The following ADGRB3 variants were observed in gnomAD, a reference collection of about 807,000 sequenced individuals.
ADGRB3 encodes the protein adhesion G protein-coupled receptor B3.
Under a neutral mutation model 193.4 loss-of-function variants are expected in ADGRB3, and 37 were observed. The observed-to-expected ratio is 0.19, with a 90% CI of 0.15 to 0.25. ADGRB3 has a LOEUF of 0.25. Among genes scored for constraint, ADGRB3 ranks in the 10% least tolerant of loss-of-function variants. ADGRB3 has a pLI of 1.00. For missense variants in ADGRB3, 1,637 were observed against 1,852.9 expected, an observed-to-expected ratio of 0.88 and a Z score of 2.14; for synonymous variants, 690 against 644.2, an observed-to-expected ratio of 1.07 and a Z score of -1.08.
intron 6 of ADGRB3, among the ~76,000 whole-genome samples, chr6:68,948,096 T>C (rs1484710073): frequency 6.6e-6 from 1 of 152,154 alleles, no homozygotes; most frequent in Non-Finnish European, 1.5e-5. Flanking sequence ...TAAACCTTAA[T>C]AAATCATCTA....
chr6:69,222,338 C>T (rs899736755), intron 17 of ADGRB3, among the ~76,000 whole-genome samples: 22 of 152,006 alleles, frequency 1.4e-4, no homozygotes, highest in Non-Finnish European at 2.2e-4. Context: ...AATAATTGTC[C>T]GGGATATTCA....
chr6:69,371,634 T>C (rs903663682), intron 29 of ADGRB3, among the ~76,000 whole-genome samples: 3 of 152,128 alleles, frequency 2.0e-5, no homozygotes, highest in Admixed American at 2.0e-4. Flanking sequence ...TCATATCACA[T>C]GAAATATATT....
chr6:69,251,667 A>G (rs1460849939), intron 20 of ADGRB3, among the ~76,000 whole-genome samples: 1 of 152,180 alleles, frequency 6.6e-6, no homozygotes, highest in Non-Finnish European at 1.5e-5. Context: ...AAAAATGCAC[A>G]TATTTCAGAC....
chr6:69,138,451 G>A (rs945939218), intron 17 of ADGRB3, among the ~76,000 whole-genome samples: 1 of 152,220 alleles, frequency 6.6e-6, no homozygotes. Flanking sequence ...GTGGCAGCCA[G>A]TGTTCAAGTG....
intron 3 of ADGRB3, among the ~76,000 whole-genome samples, chr6:68,710,945 A>T (rs1418562652): frequency 2.0e-5 from 3 of 152,150 alleles, no homozygotes; most frequent in Non-Finnish European, 2.9e-5. Flanking sequence ...TTCTTGAAAT[A>T]ATCAAAAGAC....
At chr6:69,019,896 A>T (rs1770211622) in intron 13 of ADGRB3, among the ~76,000 whole-genome samples, 1 of 152,048 alleles carries the variant, frequency 6.6e-6, no homozygotes, top group South Asian at 2.1e-4. Context: ...AATGTCCATT[A>T]TAAAAGTGGC....
chr6:69,318,546 T>C (rs1235492505), intron 20 of ADGRB3, among the ~76,000 whole-genome samples: 3 of 151,414 alleles, frequency 2.0e-5, no homozygotes, highest in Admixed American at 6.6e-5. Flanking sequence ...CTCATTTCGA[T>C]ATCAATGTCA....
intron 17 of ADGRB3, among the ~76,000 whole-genome samples, chr6:69,220,116 C>T (rs998370): frequency 6.6e-6 from 1 of 151,540 alleles, no homozygotes; most frequent in Non-Finnish European, 1.5e-5. Context: ...GGGAGATTTT[C>T]TCTGAGAATA....
intron 15 of ADGRB3, among the ~76,000 whole-genome samples, chr6:69,050,291 G>A (rs537239903): frequency 1.3e-5 from 2 of 152,108 alleles, no homozygotes; most frequent in African/African-American, 4.8e-5. Flanking sequence ...ATCTTTCTAC[G>A]TGAAGCACGT....
At chr6:68,807,260 CAG>C (rs1271471545) in intron 3 of ADGRB3, among the ~76,000 whole-genome samples, 30 of 96,112 alleles carry the variant, frequency 3.1e-4, no homozygotes, top group Non-Finnish European at 2.3e-4. Flanking sequence ...TTTTTTGAGA[CAG>C]AGTCTCGCTA....
chr6:69,037,569 A>G (rs546768940), intron 13 of ADGRB3, among the ~76,000 whole-genome samples: 45 of 152,264 alleles, frequency 3.0e-4, no homozygotes, highest in African/African-American at 1.0e-3. Context: ...TATAATCCTT[A>G]TAAAGCCTTT....
chr6:68,858,612 C>G (rs866705390), intron 3 of ADGRB3, among the ~76,000 whole-genome samples: 1 of 81,344 alleles, frequency 1.2e-5, no homozygotes. Context: ...AAAAAAAAAA[C>G]ACAGCATAAA....
intron 3 of ADGRB3, among the ~76,000 whole-genome samples, chr6:68,790,105 C>T (rs1217408857): frequency 6.6e-6 from 1 of 152,116 alleles, no homozygotes; most frequent in Non-Finnish European, 1.5e-5. Flanking sequence ...CGAATTTCCT[C>T]CTGTAGCTCA....
At chr6:69,235,007 CT>C (rs778566079) in intron 18 of ADGRB3, 24 bp from the exon 19 acceptor site, 1 of 1,556,396 alleles carries the variant, frequency 6.4e-7, no homozygotes, top group South Asian at 1.1e-5. Flanking sequence ...CAATTTGTTT[CT>C]TTTTTGTTTT....
At chr6:68,891,538 T>C (rs1766076775) in intron 3 of ADGRB3, among the ~76,000 whole-genome samples, 1 of 152,174 alleles carries the variant, frequency 6.6e-6, no homozygotes, top group Admixed American at 6.6e-5. Flanking sequence ...TGGTAGATTA[T>C]GTATGATCAA....
intron 17 of ADGRB3, among the ~76,000 whole-genome samples, chr6:69,100,215 A>G (rs1562158999): frequency 6.6e-6 from 1 of 152,180 alleles, no homozygotes; most frequent in Non-Finnish European, 1.5e-5. Flanking sequence ...CATTCGGTCT[A>G]CATCTATAAC....
intron 14 of ADGRB3, 87 bp downstream of exon 14, chr6:69,048,421 A>G (rs1771300552): frequency 3.8e-6 from 5 of 1,317,746 alleles, no homozygotes; most frequent in Non-Finnish European, 5.3e-6. Context: ...TTCATACATT[A>G]AACAGTTTAG....
chr6:69,239,476 T>C (rs1766340861), intron 20 of ADGRB3, among the ~76,000 whole-genome samples: 1 of 152,050 alleles, frequency 6.6e-6, no homozygotes, highest in Non-Finnish European at 1.5e-5. Context: ...TTAAACATTA[T>C]ATCAAAGCTC....
chr6:69,000,677 G>A (rs150142615), intron 11 of ADGRB3, among the ~76,000 whole-genome samples: 1 of 152,114 alleles, frequency 6.6e-6, no homozygotes, highest in African/African-American at 2.4e-5. Context: ...AAAACAAAAA[G>A]GCAGAACATC....
Sources: allele counts gnomAD v4.1 joint callset (sites outside exome capture counted in the v4.1 genomes callset), GRCh38; gene constraint gnomAD v4.1.1; transcripts MANE v1.5; gene names NCBI Gene and HGNC (gene_info 2026-07-23, HGNC 2026-07-21).